The following ATP9B variants were observed in gnomAD, a reference collection of about 807,000 sequenced individuals.
ATP9B encodes the protein ATPase phospholipid transporting 9B.
In ATP9B, 110 loss-of-function variants were observed where a neutral mutation model predicts 146.1. The ratio of observed to expected loss-of-function variants is 0.75; its 90% CI spans 0.65 to 0.88. The LOEUF (loss-of-function observed/expected upper bound fraction) is 0.88. ATP9B is among the 40% of genes least tolerant of loss of function. ATP9B has a pLI of 0.00. For synonymous variants in ATP9B, 604 were observed against 569.7 expected (o/e 1.06, Z -0.86); for missense variants, 1,499 against 1,496.4 (o/e 1.00, Z -0.03).
intron 26 of ATP9B, among the ~76,000 whole-genome samples, chr18:79,367,211 A>G (rs1281151764): frequency 1.2e-5 from 1 of 85,350 alleles, no homozygotes; most frequent in Non-Finnish European, 2.3e-5. Context: ...GTATGCAGAG[A>G]AAGTGCCTCC....
In ATP9B at chr18:79,113,241, G is replaced by T; in HGVS notation, c.445G>T (p.Val149Phe). Reference protein sequence around the residue: ...KYNVFTFIPGVLYEQFKFFLN... With the variant: ...KYNVFTFIPGFLYEQFKFFLN... Reference sequence around the variant, plus strand: ...GTTAATTTTCTCTTTTCCTTTTTAGGTTTTGTATGAACAATTCAAGTTTTT... The same window carrying T: ...GTTAATTTTCTCTTTTCCTTTTTAGTTTTTGTATGAACAATTCAAGTTTTT... Residue 149 changes from valine (V) to phenylalanine (F), a missense_variant and splice_region_variant, in exon 4 of 30, where the codon GTT becomes TTT. Coordinates refer to ENST00000426216, the MANE Select transcript of ATP9B (RefSeq NM_198531.5). 6.5e-7 allele frequency: 1 copy of T among 1,531,924 alleles called. No individual in the cohort carries two copies. The highest frequency in any genetic ancestry group is 1.2e-5 in the South Asian group (1 of 83,854). 94.9% of individuals were successfully genotyped at this position (1,531,924 alleles called of 1,614,324 possible). A position where few individuals can be genotyped will look rare whatever the true frequency, so the allele number is the denominator to read the frequency against.
At chr18:79,212,691 AGTATT>A (rs1377309958) in intron 10 of ATP9B, among the ~76,000 whole-genome samples, 2 of 152,184 alleles carry the variant, frequency 1.3e-5, no homozygotes, top group Non-Finnish European at 2.9e-5. Context: ...AGCTTTTTAT[AGTATT>A]GTATTATATA....
intron 26 of ATP9B, among the ~76,000 whole-genome samples, chr18:79,369,340 TG>T (rs764562545): frequency 1.6e-4 from 25 of 152,018 alleles, no homozygotes; most frequent in Admixed American, 3.3e-4. Context: ...GAGACCAGCC[TG>T]GCTCACACGG....
At chr18:79,099,501 G>C (rs114933853) in intron 2 of ATP9B, among the ~76,000 whole-genome samples, 10,544 of 152,230 alleles carry the variant, frequency 0.069, 1,272 homozygotes, top group African/African-American at 0.24. Context: ...AATTACAGGC[G>C]TGAGCCACCG....
chr18:79,141,116 G>A (rs1305729868), intron 5 of ATP9B, among the ~76,000 whole-genome samples: 1 of 152,116 alleles, frequency 6.6e-6, no homozygotes, highest in Non-Finnish European at 1.5e-5. Context: ...GGACCCAGTG[G>A]GAAGTAATTG....
chr18:79,359,768 A>G, intron 26 of ATP9B: 1 of 323,208 alleles, frequency 3.1e-6, no homozygotes, highest in Admixed American at 4.0e-5. Context: ...TTGTGAAGTG[A>G]GCTCACCAAA....
intron 7 of ATP9B, among the ~76,000 whole-genome samples, chr18:79,175,152 G>A (rs551417186): frequency 3.3e-3 from 481 of 145,658 alleles, no homozygotes; most frequent in African/African-American, 6.0e-3. Flanking sequence ...AGTGAGCCGC[G>A]ATTGTGCCAC....
intron 15 of ATP9B, among the ~76,000 whole-genome samples, chr18:79,325,162 T>G (rs1304235123): frequency 1.3e-5 from 2 of 152,168 alleles, no homozygotes; most frequent in Non-Finnish European, 2.9e-5. Context: ...CTCCCCAGTC[T>G]AGAGCAGGAC....
At chr18:79,320,047 T>A (rs2096706609) in intron 15 of ATP9B, among the ~76,000 whole-genome samples, 1 of 152,244 alleles carries the variant, frequency 6.6e-6, no homozygotes, top group Admixed American at 6.5e-5. Context: ...TGGAGAGTCC[T>A]GACACGGAGT....
chr18:79,128,482 A>G (rs1803512983), intron 5 of ATP9B, among the ~76,000 whole-genome samples: 1 of 152,112 alleles, frequency 6.6e-6, no homozygotes, highest in South Asian at 2.1e-4. Context: ...TTTTTTCTCC[A>G]TGGAGTTGAA....
intron 13 of ATP9B, chr18:79,299,905 C>T (rs533710268): frequency 3.3e-5 from 5 of 152,360 alleles, no homozygotes; most frequent in East Asian, 1.9e-4. Context: ...GGCAGCTCTC[C>T]GGAGCCCTGT....
intron 11 of ATP9B, among the ~76,000 whole-genome samples, chr18:79,249,881 A>G (rs1468737851): frequency 1.3e-5 from 2 of 152,220 alleles, no homozygotes; most frequent in East Asian, 1.9e-4. Flanking sequence ...GCTTTACACT[A>G]TATGCTGTAG....
intron 11 of ATP9B, among the ~76,000 whole-genome samples, chr18:79,236,836 G>GCCCCTTT (rs1387300438): frequency 7.2e-6 from 1 of 138,724 alleles, no homozygotes; most frequent in African/African-American, 2.7e-5. Context: ...GTCCACACCT[G>GCCCCTTT]CCCCTTCCCC....
At position 79,377,463 on chromosome 18, in the gene ATP9B, G is replaced by T; in HGVS notation, c.*80G>T. On this transcript the variant is annotated 3_prime_UTR_variant, in exon 30 of 30. Coordinates refer to ENST00000426216, the MANE Select transcript of ATP9B (RefSeq NM_198531.5). Reference sequence around the variant, plus strand: ...CTTGTGCCCTTGCCAGTGAACGCAGGGTTTGCCATTGCTACCAAGCAAGCA... The same window carrying T: ...CTTGTGCCCTTGCCAGTGAACGCAGTGTTTGCCATTGCTACCAAGCAAGCA... The T allele has an allele frequency of 6.5e-7, 1 of 1,529,622 alleles. No homozygotes were observed. The highest frequency in any genetic ancestry group is 1.2e-5 in the South Asian group (1 of 86,760). 94.8% of individuals were successfully genotyped at this position (1,529,622 alleles called of 1,614,324 possible). A position where few individuals can be genotyped will look rare whatever the true frequency, so the allele number is the denominator to read the frequency against.
At chr18:79,309,479 C>T (rs1405290609) in intron 15 of ATP9B, among the ~76,000 whole-genome samples, 136 of 130,286 alleles carry the variant, frequency 1.0e-3, no homozygotes, top group African/African-American at 2.5e-3. Context: ...AGGAGTGATC[C>T]CCAGCAGGTA....
intron 13 of ATP9B, among the ~76,000 whole-genome samples, chr18:79,298,675 C>T (rs889979898): frequency 1.4e-5 from 2 of 146,992 alleles, no homozygotes; most frequent in African/African-American, 5.0e-5. Context: ...TACCAGATTT[C>T]AAGACTTAAA....
intron 7 of ATP9B, chr18:79,173,670 T>C: frequency 4.4e-6 from 2 of 455,290 alleles, no homozygotes; most frequent in Non-Finnish European, 8.8e-6. Context: ...TTTATTTTGT[T>C]CCATTGATCT....
chr18:79,070,715 T>C (rs1207460266), intron 1 of ATP9B, among the ~76,000 whole-genome samples: 1 of 152,212 alleles, frequency 6.6e-6, no homozygotes, highest in Non-Finnish European at 1.5e-5. Flanking sequence ...ACATTCAAGA[T>C]TTTTTGTCAT....
At chr18:79,376,696 C>CTTTTT (rs35556122) in intron 29 of ATP9B, among the ~76,000 whole-genome samples, 1 of 129,300 alleles carries the variant, frequency 7.7e-6, no homozygotes, top group East Asian at 2.4e-4. Context: ...GGCCTACAAC[C>CTTTTT]TTTTTTTTTT....
Sources: allele counts gnomAD v4.1 joint callset (sites outside exome capture counted in the v4.1 genomes callset), GRCh38; gene constraint gnomAD v4.1.1; transcripts MANE v1.5; gene names NCBI Gene and HGNC (gene_info 2026-07-23, HGNC 2026-07-21).